The following SYNPO variants were observed in gnomAD, a reference collection of about 807,000 sequenced individuals.
SYNPO encodes the protein synaptopodin.
In SYNPO, 19 loss-of-function variants were observed where a neutral mutation model predicts 49.5. The ratio of observed to expected loss-of-function variants is 0.38; its 90% CI spans 0.27 to 0.56. SYNPO has a LOEUF of 0.56. Ranked by LOEUF, SYNPO falls within the 20% of genes least tolerant of loss-of-function variation. The probability of loss-of-function intolerance (pLI) is 0.68; values close to 1 mark genes in which losing one functional copy is unlikely to be tolerated. For synonymous variants in SYNPO, 536 were observed against 548.0 expected (o/e 0.98, Z 0.31); for missense variants, 1,131 against 1,248.3 (o/e 0.91, Z 1.42).
rs1447170779 is a variant in SYNPO at position 150,649,729 on chromosome 5, C to T, written c.1454C>T (p.Ala485Val). The T allele has an allele frequency of 1.9e-6, 3 of 1,612,966 alleles. No individual in the cohort carries two copies. Among genetic ancestry groups the T allele is most frequent in the Non-Finnish European group, 2.5e-6 (3 of 1,180,022 alleles). Residue 485 changes from alanine (A) to valine (V), a missense_variant, in exon 2 of 3, where the codon GCC becomes GTC. By Grantham distance (64) the Ala-to-Val change is moderately conservative. Transcript: ENST00000307662. ...EASGKGAELYARRQSRMEKYV... is the reference protein window; with the variant it reads ...EASGKGAELYVRRQSRMEKYV... The stretch of plus-strand genomic sequence containing the variant: ...TCTGGGAAGGGAGCTGAGCTCTACG[C>T]CCGCCGCCAGTCACGGATGGAGAAA...
At chr5:150,619,202 A>ATG (rs929561834) in intron 2 of SYNPO, among the ~76,000 whole-genome samples, 3 of 151,992 alleles carry the variant, frequency 2.0e-5, no homozygotes, top group African/African-American at 4.8e-5. Flanking sequence ...GACCAAACGG[A>ATG]TGTGGTTGCT....
chr5:150,637,118 C>T (rs766940170), upstream of SYNPO, among the ~76,000 whole-genome samples: 4 of 152,128 alleles, frequency 2.6e-5, no homozygotes, highest in Non-Finnish European at 5.9e-5. Flanking sequence ...GAAGGTAGCC[C>T]AGCAATTTGA....
At chr5:150,633,915 A>G (rs1317037486) in intron 2 of SYNPO, among the ~76,000 whole-genome samples, 1 of 152,208 alleles carries the variant, frequency 6.6e-6, no homozygotes, top group Non-Finnish European at 1.5e-5. Flanking sequence ...TGAGCTCAGG[A>G]GTTCAAGACC....
At chr5:150,616,811 C>A (rs78150502) in intron 1 of SYNPO, among the ~76,000 whole-genome samples, 18 of 152,242 alleles carry the variant, frequency 1.2e-4, no homozygotes, top group African/African-American at 4.1e-4. Flanking sequence ...GTTCTTCCAC[C>A]CAAGTATCTC....
At chr5:150,650,972 A>G in intron 2 of SYNPO, 2 of 1,251,568 alleles carry the variant, frequency 1.6e-6, no homozygotes, top group Non-Finnish European at 2.0e-6. Context: ...GACTCGGCCC[A>G]CCACTGCTGT....
intron 1 of SYNPO, among the ~76,000 whole-genome samples, chr5:150,641,236 G>T (rs1242171177): frequency 6.6e-6 from 1 of 152,190 alleles, no homozygotes; most frequent in Non-Finnish European, 1.5e-5. Context: ...AGGTAGCCAG[G>T]CCATTACTCA....
intron 1 of SYNPO, among the ~76,000 whole-genome samples, chr5:150,644,805 TC>T (rs1311898042): frequency 6.6e-6 from 1 of 152,156 alleles, no homozygotes; most frequent in East Asian, 1.9e-4. Context: ...CTTAGGCTCC[TC>T]CCAGGGGAGC....
chr5:150,630,832 A>G (rs1292083811), intron 2 of SYNPO, among the ~76,000 whole-genome samples: 2 of 152,280 alleles, frequency 1.3e-5, no homozygotes, highest in East Asian at 3.9e-4. Flanking sequence ...ATCCCCACAC[A>G]CTGGCTGTGT....
intron 2 of SYNPO, among the ~76,000 whole-genome samples, chr5:150,620,945 C>CTTTCTTTCTTTCTTT (rs1561639893): frequency 3.1e-5 from 2 of 64,800 alleles, no homozygotes; most frequent in Non-Finnish European, 6.4e-5. Flanking sequence ...TTCTTTCTTT[C>CTTTCTTTCTTTCTTT]TTTTCTTTTC....
chr5:150,624,609 A>T (rs1422292824), intron 2 of SYNPO: 1 of 79,720 alleles, frequency 1.3e-5, no homozygotes, highest in East Asian at 3.5e-4. Context: ...TCGCACCCCC[A>T]GGGCTGGGCG....
chr5:150,586,964 A>G, the SYNPO span, among the ~76,000 whole-genome samples: 7 of 152,230 alleles, frequency 4.6e-5, no homozygotes, highest in Non-Finnish European at 7.3e-5. Flanking sequence ...GGATGCACGG[A>G]TGAGTATGTA....
the SYNPO span, among the ~76,000 whole-genome samples, chr5:150,594,600 G>A: frequency 6.6e-6 from 1 of 152,174 alleles, no homozygotes; most frequent in Non-Finnish European, 1.5e-5. Context: ...GTAAGAAGAA[G>A]GAATTGCACA....
chr5:150,621,851 T>C (rs1757184187), intron 2 of SYNPO, among the ~76,000 whole-genome samples: 1 of 152,022 alleles, frequency 6.6e-6, no homozygotes, highest in Non-Finnish European at 1.5e-5. Context: ...TTTGGGAAAA[T>C]AGATCTGGGG....
intron 1 of SYNPO, among the ~76,000 whole-genome samples, chr5:150,608,732 G>A (rs1052514601): frequency 1.3e-5 from 2 of 152,126 alleles, no homozygotes; most frequent in Non-Finnish European, 1.5e-5. Flanking sequence ...AAAATACGCT[G>A]ATCCCAGGTC....
rs544182617 is a variant in SYNPO at position 150,617,131 on chromosome 5, C to A, written c.-265-972C>A. Among the ~76,000 whole-genome samples the A allele has an allele frequency of 2.0e-5, 3 of 152,202 alleles. No homozygotes were observed. The East Asian group carries it at 5.8e-4, about 29-fold the overall frequency. ...TCTGCGTGCATTTTTTCATGTAATCCTCAATGCAATGCGAAGTTAGAAATA... is the reference window on the plus strand; with the variant it reads ...TCTGCGTGCATTTTTTCATGTAATCATCAATGCAATGCGAAGTTAGAAATA... On this transcript the variant is annotated intron_variant, in intron 1 of 2. Transcript: ENST00000394243.
Position 150,649,316 on chromosome 5 carries a change from C to T in SYNPO, c.1041C>T (p.Ser347=), listed in dbSNP as rs754292508. The T allele has an allele frequency of 8.7e-6, 14 of 1,614,090 alleles. No homozygotes were observed. The highest frequency in any genetic ancestry group is 5.3e-5 in the African/African-American group (4 of 74,940). Residue 347 remains serine (S), a synonymous_variant, in exon 2 of 3, where the codon TCC becomes TCT. Coordinates refer to ENST00000307662, the MANE Select transcript of SYNPO (RefSeq NM_007286.6). ...PPSYSVLYPS[S]DPKSSHLKGQ... is the part of the protein sequence containing the mutation. ...CATATTCTGTCCTGTATCCCAGCTCCGACCCCAAGTCTTCTCATCTGAAGG... is the reference window on the plus strand; with the variant it reads ...CATATTCTGTCCTGTATCCCAGCTCTGACCCCAAGTCTTCTCATCTGAAGG...
chr5:150,596,429 C>T (rs954772519), upstream of SYNPO, among the ~76,000 whole-genome samples: 3 of 152,130 alleles, frequency 2.0e-5, no homozygotes, highest in Admixed American at 6.5e-5. Flanking sequence ...CTACATCTGG[C>T]TTTTTCAGAA....
chr5:150,631,332 G>A (rs999041307), intron 2 of SYNPO, among the ~76,000 whole-genome samples: 1 of 152,166 alleles, frequency 6.6e-6, no homozygotes, highest in Non-Finnish European at 1.5e-5. Flanking sequence ...GACCTCTGAG[G>A]GCCTTGGGAC....
rs201386466 is a variant in SYNPO, at chr5:150,605,188, C to T, written c.-266+4000C>T. On this transcript the variant is annotated intron_variant, in intron 1 of 2. Transcript: ENST00000394243. ...TCCCTGCAGTTCCAAGTTGGGACCA[C>T]GGCCTTTGTGAGTAGTGAGGTTGGA... Among the ~76,000 whole-genome samples, 13 of 152,292 alleles carry T rather than the reference C, an allele frequency of 8.5e-5. No homozygotes were observed. In the East Asian group the frequency reaches 1.9e-3, roughly 23 times the overall value.
Sources: gnomAD v4.1 joint callset for allele counts (sites outside exome capture counted in the v4.1 genomes callset) on GRCh38, gnomAD v4.1.1 for gene constraint, MANE v1.5 for transcripts, NCBI Gene and HGNC (gene_info 2026-07-23, HGNC 2026-07-21) for gene names.